The following TRPM8 variants were observed in gnomAD, a reference collection of about 807,000 sequenced individuals.
The protein encoded by TRPM8 is transient receptor potential cation channel subfamily M member 8, also known as TRPM8 cationic channel.
In TRPM8, 110 loss-of-function variants were observed where a neutral mutation model predicts 133.7. That is an observed-to-expected ratio of 0.82 (90% CI 0.70 to 0.96). The LOEUF is 0.96. Ranked by LOEUF, TRPM8 falls within the 40% of genes least tolerant of loss-of-function variation. The probability of loss-of-function intolerance (pLI) is 0.00; values close to 1 mark genes in which losing one functional copy is unlikely to be tolerated. For missense variants in TRPM8, 1,291 were observed against 1,379.5 expected, an observed-to-expected ratio of 0.94 and a Z score of 1.02; for synonymous variants, 535 against 532.3, an observed-to-expected ratio of 1.01 and a Z score of -0.07.
At chr2:233,949,883 T>C in intron 8 of TRPM8, 66 bp from the exon 9 acceptor site, 1 of 1,503,088 alleles carries the variant, frequency 6.7e-7, no homozygotes, top group Non-Finnish European at 9.2e-7. Flanking sequence ...GCTCAGAACC[T>C]TAGTCCAGAG....
At chr2:233,947,039 G>A in intron 7 of TRPM8, 49 bp from the exon 8 acceptor site, 1 of 1,561,580 alleles carries the variant, frequency 6.4e-7, no homozygotes. Flanking sequence ...AGAGGTAGGT[G>A]AGTATTTCTA....
chr2:234,012,767 G>A (rs962757900), intron 24 of TRPM8, among the ~76,000 whole-genome samples: 1 of 151,664 alleles, frequency 6.6e-6, no homozygotes, highest in Non-Finnish European at 1.5e-5. Flanking sequence ...CCTTTATTGT[G>A]TTGTAGTAAG....
chr2:233,983,715 A>G (rs28902205), intron 20 of TRPM8, among the ~76,000 whole-genome samples: 158 of 152,308 alleles, frequency 1.0e-3, no homozygotes, highest in African/African-American at 3.7e-3. Context: ...CACCCGATTT[A>G]CAGAAGGAAA....
intron 6 of TRPM8, among the ~76,000 whole-genome samples, chr2:233,944,368 G>A (rs138297504): frequency 8.4e-4 from 128 of 152,214 alleles, no homozygotes; most frequent in African/African-American, 2.6e-3. Context: ...TTATCCCCAC[G>A]GTAGATGCAG....
intron 17 of TRPM8, among the ~76,000 whole-genome samples, chr2:233,979,033 A>G (rs1691940845): frequency 6.6e-6 from 1 of 152,206 alleles, no homozygotes. Context: ...CAGAATCATG[A>G]GGTCTGCCAC....
chr2:233,957,919 C>T (rs1004036728), intron 11 of TRPM8, among the ~76,000 whole-genome samples: 5 of 152,182 alleles, frequency 3.3e-5, no homozygotes, highest in Non-Finnish European at 7.3e-5. Flanking sequence ...ACGATAATAG[C>T]AGTACTTATC....
Position 233,985,722 on chromosome 2 carries a change from T to C in TRPM8, c.2796T>C (p.Thr932=). 1 of 1,614,182 alleles carries C rather than the reference T, an allele frequency of 6.2e-7. No individual in the cohort carries two copies. The highest frequency in any genetic ancestry group is 8.5e-7 in the Non-Finnish European group (1 of 1,180,026). The change falls in exon 21 of 26, where the codon ACT becomes ACC. Residue 932 remains threonine (T), a synonymous_variant. Transcript: ENST00000324695. ...ATGACTTTGCCCACTGCACCTTCAC[T>C]GGGAATGAGTCCAAGCCACTGTGTG... ...TTYDFAHCTF[T]GNESKPLCVE...
In TRPM8 at chr2:233,993,564, T is replaced by C. The variant is rs996462461; in HGVS notation, c.2940-2762T>C. Among the ~76,000 whole-genome samples, 53 of 152,190 alleles carry C rather than the reference T, an allele frequency of 3.5e-4. 1 individual carries two copies. The highest frequency in any genetic ancestry group is 1.3e-3 in the African/African-American group (53 of 41,448). The stretch of plus-strand genomic sequence containing the variant: ...AAAGCCATTCTTAGCTCATGGACTG[T>C]ACAAAAACAGGTGGGGGGCTTGGCT... On this transcript the variant is annotated intron_variant, in intron 21 of 25. Coordinates refer to ENST00000324695, the MANE Select transcript of TRPM8 (RefSeq NM_024080.5).
At chr2:233,943,584 T>C (rs1016610447) in intron 6 of TRPM8, among the ~76,000 whole-genome samples, 1 of 152,222 alleles carries the variant, frequency 6.6e-6, no homozygotes, top group Admixed American at 6.5e-5. Flanking sequence ...ATATTGTCCT[T>C]GGTTAAATGG....
At chr2:233,951,915 T>C (rs1301942032) in intron 9 of TRPM8, among the ~76,000 whole-genome samples, 2 of 152,144 alleles carry the variant, frequency 1.3e-5, no homozygotes, top group Non-Finnish European at 2.9e-5. Flanking sequence ...CCTCGCTGAC[T>C]ATGTGGACAA....
intron 23 of TRPM8, among the ~76,000 whole-genome samples, chr2:234,007,419 C>T (rs1423486373): frequency 6.6e-6 from 1 of 152,162 alleles, no homozygotes; most frequent in Non-Finnish European, 1.5e-5. Context: ...ATGAAAAATC[C>T]TGAATTCATT....
intron 24 of TRPM8, among the ~76,000 whole-genome samples, chr2:234,009,048 A>T (rs1407596921): frequency 2.0e-5 from 3 of 152,084 alleles, no homozygotes; most frequent in African/African-American, 7.2e-5. Flanking sequence ...GAAGTGGGGG[A>T]GTCTGGGTTA....
Position 234,014,580 on chromosome 2 carries a change from C to T in TRPM8, c.3283C>T (p.Leu1095Phe). Residue 1095 changes from leucine (L) to phenylalanine (F), a missense_variant, in exon 25 of 26, where the codon CTT becomes TTT. This residue lies in a region of TRPM8 where 328 missense variants were observed against 410.6 expected (regional missense o/e 0.80). Coordinates refer to ENST00000324695, the MANE Select transcript of TRPM8 (RefSeq NM_024080.5). ...TTCCAAGCTTAATGATCTCAAGGGT[C>T]TTCTGAAAGAGATTGCTAATAAAAT... ...LDTKLNDLKG[L>F]LKEIANKIK The T allele has an allele frequency of 6.4e-7, 1 of 1,552,306 alleles. No individual in the cohort carries two copies. Among genetic ancestry groups the T allele is most frequent in the Non-Finnish European group, 8.7e-7 (1 of 1,152,552 alleles).
chr2:233,999,039 T>A (rs1402805277), intron 22 of TRPM8, among the ~76,000 whole-genome samples: 1 of 152,140 alleles, frequency 6.6e-6, no homozygotes, highest in East Asian at 1.9e-4. Context: ...AGGAGGGTCA[T>A]TTTACGTCTC....
At chr2:233,990,005 TAAACATGCAG>T (rs1362620613) in intron 21 of TRPM8, among the ~76,000 whole-genome samples, 1 of 152,164 alleles carries the variant, frequency 6.6e-6, no homozygotes, top group Admixed American at 6.5e-5. Context: ...AGGAGTAATA[TAAACATGCAG>T]AAAAGTAGAA....
At chr2:233,958,475 T>G (rs1312099082) in intron 11 of TRPM8, among the ~76,000 whole-genome samples, 1 of 152,136 alleles carries the variant, frequency 6.6e-6, no homozygotes, top group Admixed American at 6.5e-5. Context: ...AGGCTCCACC[T>G]CAGATTTGCA....
chr2:234,009,081 C>T (rs978805375), intron 24 of TRPM8, among the ~76,000 whole-genome samples: 3 of 152,108 alleles, frequency 2.0e-5, no homozygotes, highest in Non-Finnish European at 4.4e-5. Flanking sequence ...ACTTGCTTGC[C>T]TCTTTACAGA....
intron 17 of TRPM8, among the ~76,000 whole-genome samples, chr2:233,971,097 C>G (rs1691702117): frequency 6.6e-6 from 1 of 152,194 alleles, no homozygotes; most frequent in Non-Finnish European, 1.5e-5. Context: ...TCACACTTAG[C>G]AGTTTACAAA....
chr2:233,972,800 A>G (rs573893516), intron 17 of TRPM8, among the ~76,000 whole-genome samples: 1 of 152,046 alleles, frequency 6.6e-6, no homozygotes, highest in African/African-American at 2.4e-5. Flanking sequence ...CCGGAACTCC[A>G]TCTGGCCCGC....
Sources: gnomAD v4.1 joint callset for allele counts (sites outside exome capture counted in the v4.1 genomes callset) on GRCh38, gnomAD v4.1.1 for gene constraint, gnomAD v4.1.1 regional missense constraint, MANE v1.5 for transcripts, NCBI Gene and HGNC (gene_info 2026-07-23, HGNC 2026-07-21) for gene names.